Variants in ADAM8 observed in about 807,000 individuals in gnomAD.
ADAM8 encodes ADAM metallopeptidase domain 8, also known as disintegrin and metalloproteinase domain-containing protein 8.
Under a neutral mutation model 102.4 loss-of-function variants are expected in ADAM8, and 104 were observed. The ratio of observed to expected loss-of-function variants is 1.02; its 90% CI spans 0.87 to 1.20. The LOEUF (loss-of-function observed/expected upper bound fraction) is 1.20, where lower values mean the gene tolerates loss of function less well. Among genes scored for constraint, ADAM8 ranks in the 50% most tolerant of loss-of-function variants. ADAM8 has a pLI of 0.00. For synonymous variants in ADAM8, 517 were observed against 485.2 expected, an observed-to-expected ratio of 1.07 and a Z score of -0.86; for missense variants, 1,132 against 1,159.0, an observed-to-expected ratio of 0.98 and a Z score of 0.34.
At chr10:133,269,667 G>T in intron 17 of ADAM8, 138 bp from the exon 18 acceptor site, 2 of 973,212 alleles carry the variant, frequency 2.1e-6, no homozygotes, top group Non-Finnish European at 3.0e-6. Flanking sequence ...CGCCGACGGC[G>T]AGGCCTCTCC....
intron 17 of ADAM8, 24 bp from the exon 18 acceptor site, chr10:133,269,553 G>T: frequency 6.4e-7 from 1 of 1,574,444 alleles, no homozygotes. Context: ...TGGGCTCAGG[G>T]CCAACCCTGT....
intron 2 of ADAM8, 114 bp from the exon 3 acceptor site, chr10:133,274,349 A>G: frequency 3.8e-6 from 3 of 790,394 alleles, no homozygotes; most frequent in Non-Finnish European, 3.5e-6. Flanking sequence ...CTCCAGCCCC[A>G]GGTCAAGGCT....
intron 22 of ADAM8, 37 bp downstream of exon 22, chr10:133,263,651 C>A: frequency 2.0e-6 from 3 of 1,524,278 alleles, no homozygotes; most frequent in Non-Finnish European, 2.7e-6. Context: ...CCGTCCATTG[C>A]ACAGTGGACT....
chr10:133,269,367 C>T (rs1386427555), intron 18 of ADAM8, 78 bp downstream of exon 18: 5 of 1,387,640 alleles, frequency 3.6e-6, no homozygotes, highest in African/African-American at 2.9e-5. Context: ...TTCCCGGGCC[C>T]GCGGCTTCTG....
chr10:133,268,663 T>G lies in ADAM8; in HGVS notation c.2063+85A>C, dbSNP rs893616535. On this transcript the variant is annotated intron_variant, in intron 19 of 22. Transcript: ENST00000445355. ...GCCTGGGTGTCCGTGCCGTCCACCA[T>G]GGGCCCGTGCTGGGCACTCCTTCCT... The G allele has an allele frequency of 4.2e-6, 6 of 1,425,804 alleles. No individual in the cohort carries two copies. In the African/African-American group the frequency reaches 5.6e-5, roughly 13 times the overall value. The allele number at this position is 1,425,804 out of a possible 1,614,324, so 88.3% of individuals were successfully genotyped here. A position where few individuals can be genotyped will look rare whatever the true frequency, so the allele number is the denominator to read the frequency against.
chr10:133,268,065 G>A lies in ADAM8; in HGVS notation c.2117C>T (p.Ala706Val), dbSNP rs754983674. 19 of 1,271,682 alleles carry A rather than the reference G, an allele frequency of 1.5e-5. No homozygotes were observed. Among genetic ancestry groups the A allele is most frequent in the Non-Finnish European group, 1.7e-5 (17 of 1,001,676 alleles). 78.8% of individuals were successfully genotyped at this position (1,271,682 alleles called of 1,614,324 possible). Residue 706 changes from alanine to valine, a missense_variant, in exon 20 of 23, where the codon GCT becomes GTT. Coordinates refer to ENST00000445355, the MANE Select transcript of ADAM8 (RefSeq NM_001109.5). ...GCCCTTGGCCGGCACGCGGCTGGCA[G>A]CCTGGTGGAACAGGGGGTTGGAGCG... ...MGRSNPLFHQ[A>V]ASRVPAKGGA...
chr10:133,272,658 G>A (rs1323837965), intron 8 of ADAM8, 73 bp from the exon 9 acceptor site: 2 of 1,549,840 alleles, frequency 1.3e-6, no homozygotes, highest in Admixed American at 1.8e-5. Flanking sequence ...GGTGGCGGAG[G>A]ATGCACCTGT....
chr10:133,266,661 G>A (rs1846330541), intron 21 of ADAM8, among the ~76,000 whole-genome samples: 2 of 152,184 alleles, frequency 1.3e-5, no homozygotes, highest in Admixed American at 1.3e-4. Flanking sequence ...TACCACTGGG[G>A]CCCCGTGCCA....
At chr10:133,266,183 C>T (rs1414807203) in intron 21 of ADAM8, among the ~76,000 whole-genome samples, 1 of 151,990 alleles carries the variant, frequency 6.6e-6, no homozygotes, top group Non-Finnish European at 1.5e-5. Flanking sequence ...TTCCAAAGGG[C>T]AAGCTGAGGA....
intron 19 of ADAM8, among the ~76,000 whole-genome samples, chr10:133,268,524 C>T (rs773825206): frequency 2.6e-5 from 4 of 152,126 alleles, no homozygotes; most frequent in Admixed American, 6.5e-5. Context: ...AACCATGCCC[C>T]GCCCCAGCCT....
rs941913854 is a variant in ADAM8 at position 133,272,424 on chromosome 10, C to T, written c.867G>A (p.Gln289=). 1 of 1,590,666 alleles carries T rather than the reference C, an allele frequency of 6.3e-7. No homozygotes were observed. Among genetic ancestry groups the T allele is most frequent in the African/African-American group, 1.4e-5 (1 of 73,610 alleles). ...CCGCTCCGCCAGCTCACGTGATGAG[C>T]TGTACGTTGTCATGCAGGTGCCGCC... ...RTRRHLHDNV[Q]LITGVDFTGT... The change falls in exon 9 of 23, where the codon CAG becomes CAA. Residue 289 remains glutamine (Q), a synonymous_variant. Coordinates refer to ENST00000445355, the MANE Select transcript of ADAM8 (RefSeq NM_001109.5).
chr10:133,271,406 C>T (rs776179773), intron 12 of ADAM8, 117 bp from the exon 13 acceptor site: 64 of 1,469,094 alleles, frequency 4.4e-5, no homozygotes, highest in African/African-American at 2.8e-4. Context: ...TCCCTGTGAC[C>T]GCTCTGGACA....
Position 133,270,680 on chromosome 10 carries a change from G to A in ADAM8, c.1634+56C>T, listed in dbSNP as rs576461106. The A allele has an allele frequency of 1.9e-6, 3 of 1,570,492 alleles. No individual in the cohort carries two copies. The South Asian group carries it at 3.4e-5, about 18-fold the overall frequency. ...GACCCTTTGCAGAGGCCCTTCTGGGGCTGACCCCGCTGTGGGAACAGCACA... is the reference window on the plus strand; with the variant it reads ...GACCCTTTGCAGAGGCCCTTCTGGGACTGACCCCGCTGTGGGAACAGCACA... On this transcript the variant is annotated intron_variant, in intron 15 of 22. Coordinates refer to ENST00000445355, the MANE Select transcript of ADAM8 (RefSeq NM_001109.5).
chr10:133,273,036 A>G lies in ADAM8; in HGVS notation c.574-17T>C. On this transcript the variant is annotated splice_polypyrimidine_tract_variant and intron_variant, in intron 6 of 22. Coordinates refer to ENST00000445355, the MANE Select transcript of ADAM8 (RefSeq NM_001109.5). ...CAGAGAGTCCTGGGGAACAGCCACA[A>G]GAAGCCAGTCAGCCTTCCCAGCGCC... is the stretch of plus-strand genomic sequence containing the variant. 6.2e-7 allele frequency: 1 copy of G among 1,612,752 alleles called. No individual in the cohort carries two copies. Among genetic ancestry groups the G allele is most frequent in the Admixed American group, 1.7e-5 (1 of 60,014 alleles).
intron 18 of ADAM8, chr10:133,269,216 G>A (rs1021897760): frequency 6.1e-5 from 60 of 981,178 alleles, no homozygotes; most frequent in Admixed American, 1.2e-4. Context: ...CTCAGCTCAC[G>A]GCCGTGCCCT....
intron 1 of ADAM8, 115 bp downstream of exon 1, chr10:133,276,657 C>A: frequency 2.1e-6 from 3 of 1,405,760 alleles, no homozygotes; most frequent in East Asian, 2.9e-5. Context: ...CAGCCCGAAG[C>A]CGGGCCAGGG....
intron 21 of ADAM8, among the ~76,000 whole-genome samples, chr10:133,265,414 C>A (rs899344300): frequency 1.3e-5 from 2 of 152,224 alleles, no homozygotes; most frequent in African/African-American, 4.8e-5. Flanking sequence ...CTGTCCAGAC[C>A]CCTTCTAGGA....
intron 21 of ADAM8, 134 bp downstream of exon 21, chr10:133,267,218 G>A: frequency 2.0e-6 from 2 of 1,011,602 alleles, no homozygotes; most frequent in South Asian, 2.8e-5. Context: ...CACGAGGTCG[G>A]GCTAACCAGC....
chr10:133,265,594 A>G (rs553060654), intron 21 of ADAM8, among the ~76,000 whole-genome samples: 10 of 152,162 alleles, frequency 6.6e-5, no homozygotes, highest in Non-Finnish European at 1.3e-4. Context: ...GATCAAGACC[A>G]TCTTGGCTAA....
Sources: allele counts gnomAD v4.1 joint callset (sites outside exome capture counted in the v4.1 genomes callset), GRCh38; gene constraint gnomAD v4.1.1; transcripts MANE v1.5; gene names NCBI Gene and HGNC (gene_info 2026-07-23, HGNC 2026-07-21).